The following APTX variants were observed in gnomAD, a reference collection of about 807,000 sequenced individuals.
APTX encodes the protein aprataxin.
In APTX, 33 loss-of-function variants were observed where a neutral mutation model predicts 42.3. The observed-to-expected ratio is 0.78, with a 90% CI of 0.59 to 1.04. The LOEUF is 1.04. Among genes scored for constraint, APTX ranks in the 50% least tolerant of loss-of-function variants. APTX has a pLI of 0.00. For synonymous variants in APTX, 130 were observed against 146.7 expected, an observed-to-expected ratio of 0.89 and a Z score of 0.82; for missense variants, 421 against 415.1, an observed-to-expected ratio of 1.01 and a Z score of -0.12.
rs144105398 is a variant in APTX at position 32,989,587 on chromosome 9, G to A, written c.133+172C>T. On this transcript the variant is annotated intron_variant, in intron 2 of 7. Coordinates refer to ENST00000379817, the MANE Select transcript of APTX (RefSeq NM_001195248.2). ...TGCCTTGAACATTATCACATTGGGA[G>A]GGCAGAATCAGGAATAAATAGGGCC... is the stretch of plus-strand genomic sequence containing the variant. The A allele has an allele frequency of 2.6e-4, 250 of 977,704 alleles. 1 individual carries two copies. In the East Asian group the frequency reaches 5.4e-3, roughly 21 times the overall value. 60.6% of individuals were successfully genotyped at this position (977,704 alleles called of 1,614,324 possible). A position where few individuals can be genotyped will look rare whatever the true frequency, so the allele number is the denominator to read the frequency against.
chr9:33,008,265 G>GA (rs1837301070), intron 1 of APTX, among the ~76,000 whole-genome samples: 1 of 151,004 alleles, frequency 6.6e-6, no homozygotes, highest in African/African-American at 2.4e-5. Flanking sequence ...AAGTATTGGG[G>GA]AAAATAACAT....
At chr9:33,011,097 C>T (rs1463794228) in intron 1 of APTX, among the ~76,000 whole-genome samples, 2 of 150,564 alleles carry the variant, frequency 1.3e-5, no homozygotes, top group African/African-American at 2.4e-5. Context: ...GAGCTGAGAT[C>T]GTGCCACTGC....
Position 32,984,648 on chromosome 9 carries a change from G to A in APTX, c.753C>T (p.His251=), listed in dbSNP as rs765982141. Residue 251 remains histidine, a synonymous_variant, in exon 6 of 8, where the codon CAC becomes CAT. Transcript: ENST00000379817. The part of the protein sequence containing the change: ...SSKLRFRLGY[H]AIPSMSHVHL... Reference sequence around the variant, plus strand: ...TGGCTTACCTCATACTCGGAATGGCGTGGTAGCCCAATCGGAAGCGGAGTT... The same window carrying A: ...TGGCTTACCTCATACTCGGAATGGCATGGTAGCCCAATCGGAAGCGGAGTT... 1.7e-5 allele frequency: 27 copies of A among 1,614,024 alleles called. No individual in the cohort carries two copies. The highest frequency in any genetic ancestry group is 1.6e-4 in the Middle Eastern group (1 of 6,082).
Position 32,987,664 on chromosome 9 carries a change from A to G in APTX, c.363T>C (p.Ser121=), listed in dbSNP as rs752435027. The G allele has an allele frequency of 4.3e-6, 7 of 1,614,078 alleles. No homozygotes were observed. The South Asian group carries it at 5.5e-5, about 13-fold the overall frequency. ...GAGCAGCATCCCTTTCTATAGAATC[A>G]CTGTTGCCTGATCTCTTTCTCTTCC... The part of the protein sequence containing the change: ...THRKRKRSGN[S]DSIERDAAQE... Residue 121 remains serine, a synonymous_variant, in exon 4 of 8, where the codon AGT becomes AGC. Coordinates refer to ENST00000379817, the MANE Select transcript of APTX (RefSeq NM_001195248.2).
intron 1 of APTX, among the ~76,000 whole-genome samples, chr9:33,024,185 T>A (rs1034486632): frequency 6.6e-6 from 1 of 152,266 alleles, no homozygotes; most frequent in African/African-American, 2.4e-5. Context: ...AGTTCTGTTT[T>A]TGTTTTAAAT....
chr9:32,987,408 C>A, intron 4 of APTX, 136 bp downstream of exon 4: 2 of 1,246,482 alleles, frequency 1.6e-6, no homozygotes, highest in Non-Finnish European at 2.3e-6. Flanking sequence ...ATGATTTTCA[C>A]GCCACAAACA....
At chr9:33,000,139 T>G (rs1235113129) in intron 1 of APTX, among the ~76,000 whole-genome samples, 1 of 152,078 alleles carries the variant, frequency 6.6e-6, no homozygotes, top group African/African-American at 2.4e-5. Context: ...TTATTTAACC[T>G]CTCCAAGCCT....
intron 1 of APTX, among the ~76,000 whole-genome samples, chr9:33,024,362 G>A (rs1487866515): frequency 6.6e-6 from 1 of 152,190 alleles, no homozygotes; most frequent in Non-Finnish European, 1.5e-5. Context: ...TGTGTCCCTG[G>A]ATAAAGAAGC....
At chr9:33,012,920 G>C (rs1411938191) in intron 1 of APTX, among the ~76,000 whole-genome samples, 1 of 152,166 alleles carries the variant, frequency 6.6e-6, no homozygotes, top group East Asian at 1.9e-4. Context: ...CTTCCTAATA[G>C]AAGAGTTGCC....
In APTX at chr9:33,001,607, G is replaced by A; in HGVS notation, c.-45C>T. 6.2e-7 allele frequency: 1 copy of A among 1,613,936 alleles called. No individual in the cohort carries two copies. The highest frequency in any genetic ancestry group is 8.5e-7 in the Non-Finnish European group (1 of 1,180,014). On this transcript the variant is annotated 5_prime_UTR_variant, in exon 1 of 8. Transcript: ENST00000379817. ...ACGGACAAATTCACGTTACTCATCTGTGCCTCACCGCTTCCGGCGCTGCGG... is the reference window on the plus strand; with the variant it reads ...ACGGACAAATTCACGTTACTCATCTATGCCTCACCGCTTCCGGCGCTGCGG...
At chr9:32,991,761 G>C (rs923497672) in intron 1 of APTX, among the ~76,000 whole-genome samples, 1 of 147,560 alleles carries the variant, frequency 6.8e-6, no homozygotes, top group Admixed American at 6.8e-5. Context: ...TGGGCGATAG[G>C]GCAAGGCTCC....
chr9:32,995,076 T>C (rs1213621924), intron 1 of APTX, among the ~76,000 whole-genome samples: 1 of 152,196 alleles, frequency 6.6e-6, no homozygotes, highest in Non-Finnish European at 1.5e-5. Flanking sequence ...TGGAGATATA[T>C]TATACAGGGA....
In APTX at chr9:32,999,134, AAAG is replaced by A. The variant is rs374507357; in HGVS notation, c.-5+2430_-5+2432del. 1.9e-4 allele frequency among the ~76,000 whole-genome samples: 29 copies of A among 152,380 alleles called. No individual in the cohort carries two copies. In the East Asian group the frequency reaches 3.3e-3, roughly 17 times the overall value. ...ATCTGAGAGCACTGACACGTAAAGC[AAAG>A]AAGAAGGGAGTAAAGGGATGACCAA... On this transcript the variant is annotated intron_variant, in intron 1 of 7. Coordinates refer to ENST00000379817, the MANE Select transcript of APTX (RefSeq NM_001195248.2).
chr9:32,979,887 A>G (rs1375426240), intron 6 of APTX: 1 of 166,604 alleles, frequency 6.0e-6, no homozygotes, highest in African/African-American at 2.4e-5. Flanking sequence ...TAATTTCTTG[A>G]TATACAGCCT....
At chr9:32,993,275 A>G (rs944622) in intron 1 of APTX, among the ~76,000 whole-genome samples, 143,965 of 152,262 alleles carry the variant, frequency 0.95, 68,549 homozygotes, top group East Asian at 1. Context: ...ACTGCACAAC[A>G]GTTATGTAAC....
chr9:32,993,505 C>T lies in APTX; in HGVS notation c.-4-3610G>A, dbSNP rs554661800. Among the ~76,000 whole-genome samples, 46 of 152,250 alleles carry T rather than the reference C, an allele frequency of 3.0e-4. 1 individual carries two copies. The highest frequency in any genetic ancestry group is 1.0e-3 in the African/African-American group (42 of 41,550). On this transcript the variant is annotated intron_variant, in intron 1 of 7. Coordinates refer to ENST00000379817, the MANE Select transcript of APTX (RefSeq NM_001195248.2). ...ACCTAATCTAACACTTGGCATACAG[C>T]GGGCATACAATAAATATTTACAAGT...
At chr9:32,996,123 G>A (rs1396975092) in intron 1 of APTX, among the ~76,000 whole-genome samples, 1 of 152,116 alleles carries the variant, frequency 6.6e-6, no homozygotes, top group East Asian at 1.9e-4. Flanking sequence ...CTACAGTATA[G>A]TATAAACATA....
chr9:33,014,388 T>C (rs1044109992), intron 1 of APTX, among the ~76,000 whole-genome samples: 6 of 152,242 alleles, frequency 3.9e-5, no homozygotes, highest in Non-Finnish European at 5.9e-5. Flanking sequence ...TTAGAAATCA[T>C]GGTAGGTGGT....
Position 32,973,662 on chromosome 9 carries a change from A to T in APTX, c.875-10T>A. On this transcript the variant is annotated splice_polypyrimidine_tract_variant and intron_variant, in intron 7 of 7. Coordinates refer to ENST00000379817, the MANE Select transcript of APTX (RefSeq NM_001195248.2). ...ACCATCTCGATCACAGCTGCAGGCA[A>T]GGAAGAAAAGTCAAATCCCAGCTAC... is the stretch of plus-strand genomic sequence containing the variant. 1 of 1,613,626 alleles carries T rather than the reference A, an allele frequency of 6.2e-7. No individual in the cohort carries two copies. Among genetic ancestry groups the T allele is most frequent in the Non-Finnish European group, 8.5e-7 (1 of 1,179,944 alleles).
Sources: allele counts gnomAD v4.1 joint callset (sites outside exome capture counted in the v4.1 genomes callset), GRCh38; gene constraint gnomAD v4.1.1; transcripts MANE v1.5; gene names NCBI Gene and HGNC (gene_info 2026-07-23, HGNC 2026-07-21).